The following CRPPA variants were observed in gnomAD, a reference collection of about 807,000 sequenced individuals.
The protein encoded by CRPPA is CDP-L-ribitol pyrophosphorylase A, also known as D-ribitol-5-phosphate cytidylyltransferase.
In CRPPA, 43 loss-of-function variants were observed where a neutral mutation model predicts 52.0. That is an observed-to-expected ratio of 0.83 (90% confidence interval 0.65 to 1.07). The LOEUF (loss-of-function observed/expected upper bound fraction) is 1.07. CRPPA is among the 50% of genes least tolerant of loss of function. The pLI is 0.00. For missense variants in CRPPA, 629 were observed against 551.7 expected (o/e 1.14, Z -1.40); for synonymous variants, 250 against 203.5 (o/e 1.23, Z -1.94).
At chr7:16,254,814 AAAGAAAGAAAGAAAGAAAG>A (rs2128411151) in intron 8 of CRPPA, among the ~76,000 whole-genome samples, 1 of 148,178 alleles carries the variant, frequency 6.7e-6, no homozygotes, top group African/African-American at 2.5e-5. Flanking sequence ...AGAAAGAAAG[AAAGAAAGAAAGAAAGAAAG>A]AAAGAAAGAA....
chr7:16,118,936 G>C (rs1450549378), intron 9 of CRPPA, among the ~76,000 whole-genome samples: 1 of 152,140 alleles, frequency 6.6e-6, no homozygotes, highest in Non-Finnish European at 1.5e-5. Context: ...GAGGGAGAAA[G>C]GAGGGAACCT....
intron 9 of CRPPA, among the ~76,000 whole-genome samples, chr7:16,159,347 G>T (rs530848380): frequency 6.6e-6 from 1 of 152,246 alleles, no homozygotes; most frequent in Admixed American, 6.5e-5. Flanking sequence ...AGGAACGCTT[G>T]TTTGTTATAT....
chr7:16,343,453 G>T (rs2526601), intron 3 of CRPPA, among the ~76,000 whole-genome samples: 97,141 of 151,870 alleles, frequency 0.64, 31,287 homozygotes, highest in South Asian at 0.79. Flanking sequence ...GGTTGGATTT[G>T]CTCCAAGTCC....
At chr7:16,295,347 C>A (rs1325551088) in intron 5 of CRPPA, among the ~76,000 whole-genome samples, 1 of 151,924 alleles carries the variant, frequency 6.6e-6, no homozygotes, top group Non-Finnish European at 1.5e-5. Flanking sequence ...TACATAATAA[C>A]TGGAAAAAAG....
chr7:16,327,035 A>T (rs1386808283), intron 3 of CRPPA, among the ~76,000 whole-genome samples: 1 of 152,172 alleles, frequency 6.6e-6, no homozygotes. Flanking sequence ...TGTCTGGAGT[A>T]AGACATGCTA....
At chr7:16,168,260 CAATA>C (rs1384647558) in intron 9 of CRPPA, among the ~76,000 whole-genome samples, 1 of 151,982 alleles carries the variant, frequency 6.6e-6, no homozygotes, top group Non-Finnish European at 1.5e-5. Context: ...ACTTTGATAC[CAATA>C]AATACTTCTT....
intron 9 of CRPPA, among the ~76,000 whole-genome samples, chr7:16,159,044 A>G (rs559604043): frequency 6.6e-6 from 1 of 152,336 alleles, no homozygotes; most frequent in East Asian, 1.9e-4. Flanking sequence ...CTAAGAGGAT[A>G]TCCGTGGCCA....
chr7:16,123,794 A>G (rs1342588449), intron 9 of CRPPA, among the ~76,000 whole-genome samples: 1 of 152,208 alleles, frequency 6.6e-6, no homozygotes, highest in East Asian at 1.9e-4. Context: ...CTAAACAAAC[A>G]AAAATATGGA....
chr7:16,241,189 C>T (rs1030655587), intron 8 of CRPPA, among the ~76,000 whole-genome samples: 15 of 151,908 alleles, frequency 9.9e-5, no homozygotes, highest in Non-Finnish European at 1.8e-4. Context: ...TGATGACTTT[C>T]TTTTCTTTTC....
At chr7:16,363,213 T>A (rs998514469) in intron 3 of CRPPA, among the ~76,000 whole-genome samples, 3 of 152,148 alleles carry the variant, frequency 2.0e-5, no homozygotes, top group Admixed American at 2.0e-4. Context: ...GAGATATGAC[T>A]ATATCTTAAA....
chr7:16,231,165 A>C (rs891485798), intron 8 of CRPPA, among the ~76,000 whole-genome samples: 4 of 152,128 alleles, frequency 2.6e-5, no homozygotes, highest in Non-Finnish European at 5.9e-5. Context: ...TCTCTTCCCT[A>C]TTCCATGCTG....
chr7:16,154,137 C>T (rs180964869), intron 9 of CRPPA, among the ~76,000 whole-genome samples: 1 of 151,300 alleles, frequency 6.6e-6, no homozygotes, highest in Non-Finnish European at 1.5e-5. Context: ...CCTCCCACTC[C>T]TTGTAATGTG....
intron 3 of CRPPA, among the ~76,000 whole-genome samples, chr7:16,324,810 AT>A (rs1252484299): frequency 2.6e-5 from 4 of 152,356 alleles, no homozygotes; most frequent in Non-Finnish European, 5.9e-5. Flanking sequence ...CTTTGACTAA[AT>A]TTATCCACTT....
chr7:16,246,576 T>A (rs188212311), intron 8 of CRPPA, among the ~76,000 whole-genome samples: 138 of 152,328 alleles, frequency 9.1e-4, no homozygotes, highest in African/African-American at 3.2e-3. Flanking sequence ...AAATAAGACA[T>A]GAAAATCTAA....
intron 2 of CRPPA, among the ~76,000 whole-genome samples, chr7:16,377,902 G>A (rs907634568): frequency 3.3e-5 from 5 of 152,028 alleles, no homozygotes; most frequent in African/African-American, 1.2e-4. Flanking sequence ...TCCCACCCAT[G>A]CCCCAGAATA....
At chr7:16,186,977 T>C (rs1279750593) in intron 9 of CRPPA, among the ~76,000 whole-genome samples, 1 of 152,208 alleles carries the variant, frequency 6.6e-6, no homozygotes, top group Admixed American at 6.5e-5. Context: ...ATAATTTTAA[T>C]CTTTGCTCAT....
At chr7:16,155,601 TTC>T (rs1783163411) in intron 9 of CRPPA, among the ~76,000 whole-genome samples, 1 of 152,244 alleles carries the variant, frequency 6.6e-6, no homozygotes, top group Non-Finnish European at 1.5e-5. Context: ...ATATTTTCTC[TTC>T]CTTGTGATTT....
chr7:16,381,296 T>C (rs1301527235), intron 2 of CRPPA, among the ~76,000 whole-genome samples: 8 of 149,890 alleles, frequency 5.3e-5, no homozygotes, highest in South Asian at 2.1e-4. Context: ...TGTAGTTGAG[T>C]GGTTTTGAGT....
intron 9 of CRPPA, among the ~76,000 whole-genome samples, chr7:16,207,388 C>G (rs1209910428): frequency 6.6e-6 from 1 of 152,194 alleles, no homozygotes; most frequent in African/African-American, 2.4e-5. Context: ...ATTTCTCCTA[C>G]CTAGTTTCAT....
Sources: allele counts gnomAD v4.1 joint callset (sites outside exome capture counted in the v4.1 genomes callset), GRCh38; gene constraint gnomAD v4.1.1; transcripts MANE v1.5; gene names NCBI Gene and HGNC (gene_info 2026-07-23, HGNC 2026-07-21).